The following DPP6 variants were observed in gnomAD, a reference collection of about 807,000 sequenced individuals.
The protein encoded by DPP6 is A-type potassium channel modulatory protein DPP6.
Under a neutral mutation model 122.6 loss-of-function variants are expected in DPP6, and 69 were observed. The ratio of observed to expected loss-of-function variants is 0.56; its 90% CI spans 0.46 to 0.69. DPP6 has a LOEUF of 0.69. Ranked by LOEUF, DPP6 falls within the 30% of genes least tolerant of loss-of-function variation. The pLI, the probability that DPP6 is intolerant of heterozygous loss-of-function variation, is 0.00. For synonymous variants in DPP6, 418 were observed against 433.1 expected, an observed-to-expected ratio of 0.97 and a Z score of 0.43; for missense variants, 928 against 1,116.9, an observed-to-expected ratio of 0.83 and a Z score of 2.41.
chr7:154,292,732 C>T lies in DPP6; in HGVS notation c.244-153482C>T, dbSNP rs75552158. On this transcript the variant is annotated intron_variant, in intron 1 of 25. Transcript: ENST00000377770. ...CTGTGTCCACAGGCAGGCAGAGTCT[C>T]GTTTTTGATTTCCTAGGGAACTTAG... Among the ~76,000 whole-genome samples the T allele has an allele frequency of 9.9e-5, 15 of 152,182 alleles. No homozygotes were observed. The East Asian group carries it at 1.4e-3, about 14-fold the overall frequency.
intron 1 of DPP6, among the ~76,000 whole-genome samples, chr7:153,943,805 G>T (rs1310637828): frequency 2.0e-5 from 3 of 152,182 alleles, no homozygotes; most frequent in Non-Finnish European, 4.4e-5. Context: ...TAATAAACAT[G>T]TAATAGAGAA....
intron 1 of DPP6, among the ~76,000 whole-genome samples, chr7:153,985,031 T>C (rs1328146863): frequency 2.6e-5 from 4 of 152,222 alleles, no homozygotes; most frequent in East Asian, 1.9e-4. Flanking sequence ...ACACAGGTCC[T>C]GCCATTCACT....
chr7:154,148,392 C>T (rs1478066980), intron 1 of DPP6, among the ~76,000 whole-genome samples: 1 of 151,162 alleles, frequency 6.6e-6, no homozygotes, highest in African/African-American at 2.4e-5. Flanking sequence ...GAAGGCAGAG[C>T]CTGCCCTGAG....
At chr7:154,421,184 G>GTA (rs1817441695) in intron 1 of DPP6, among the ~76,000 whole-genome samples, 1 of 152,098 alleles carries the variant, frequency 6.6e-6, no homozygotes, top group Non-Finnish European at 1.5e-5. Context: ...ATTACAAGAA[G>GTA]TATAGATCCT....
At chr7:154,446,139 T>G in intron 1 of DPP6, 75 bp from the exon 2 acceptor site, 1 of 911,550 alleles carries the variant, frequency 1.1e-6, no homozygotes, top group Non-Finnish European at 1.7e-6. Context: ...TTGATTTAAA[T>G]GAAATATGTC....
intron 16 of DPP6, among the ~76,000 whole-genome samples, chr7:154,818,717 G>A (rs982760014): frequency 6.6e-5 from 10 of 152,178 alleles, no homozygotes; most frequent in Admixed American, 4.6e-4. Flanking sequence ...ATTTATCCAA[G>A]TGAATGTTTA....
At chr7:153,991,491 T>G (rs1465911821) in intron 1 of DPP6, among the ~76,000 whole-genome samples, 1 of 152,102 alleles carries the variant, frequency 6.6e-6, no homozygotes, top group Non-Finnish European at 1.5e-5. Context: ...AAAAATGAAG[T>G]GTTAAGCATG....
chr7:153,957,320 A>G (rs1802506868), intron 1 of DPP6, among the ~76,000 whole-genome samples: 1 of 152,208 alleles, frequency 6.6e-6, no homozygotes, highest in South Asian at 2.1e-4. Context: ...TAGCAAGTCC[A>G]CAGACTGTCT....
upstream of DPP6, among the ~76,000 whole-genome samples, chr7:153,886,445 CCG>C (rs1210650746): frequency 3.3e-5 from 5 of 152,292 alleles, no homozygotes; most frequent in African/African-American, 1.2e-4. Flanking sequence ...GTAGGGAGAG[CCG>C]TGGGCGCCAG....
At chr7:154,873,740 A>ACACACGCACCCACACACAGG (rs1217353979) in intron 19 of DPP6, among the ~76,000 whole-genome samples, 6 of 152,218 alleles carry the variant, frequency 3.9e-5, no homozygotes, top group Non-Finnish European at 7.4e-5. Context: ...CCACATGCAG[A>ACACACGCACCCACACACAGG]CACACGCACC....
At chr7:154,384,653 C>T (rs917190142) in intron 1 of DPP6, among the ~76,000 whole-genome samples, 7 of 151,792 alleles carry the variant, frequency 4.6e-5, no homozygotes, top group Non-Finnish European at 8.8e-5. Flanking sequence ...AATTTTATTT[C>T]CAAAAAAATG....
At chr7:154,857,648 G>A (rs1378153002) in intron 17 of DPP6, among the ~76,000 whole-genome samples, 1 of 152,238 alleles carries the variant, frequency 6.6e-6, no homozygotes, top group African/African-American at 2.4e-5. Flanking sequence ...CATCTTGGAT[G>A]AGAAGGCAGG....
chr7:154,781,289 C>T (rs1392415426), intron 10 of DPP6, among the ~76,000 whole-genome samples: 1 of 152,150 alleles, frequency 6.6e-6, no homozygotes, highest in Non-Finnish European at 1.5e-5. Flanking sequence ...ACCCCCACCA[C>T]TCCTATTCAC....
chr7:154,889,433 T>C (rs1471796073), intron 24 of DPP6, 24 bp from the exon 25 acceptor site: 3 of 182,012 alleles, frequency 1.6e-5, no homozygotes, highest in Non-Finnish European at 2.6e-5. Flanking sequence ...TCTTCCTCTC[T>C]TTTTTTTTTT....
chr7:154,383,547 A>T (rs1482336967), intron 1 of DPP6, among the ~76,000 whole-genome samples: 1 of 152,230 alleles, frequency 6.6e-6, no homozygotes, highest in African/African-American at 2.4e-5. Flanking sequence ...TACATGAAAA[A>T]ATATGGTGGA....
upstream of DPP6, among the ~76,000 whole-genome samples, chr7:153,884,406 A>G (rs556907672): frequency 3.9e-5 from 6 of 152,298 alleles, no homozygotes; most frequent in African/African-American, 1.4e-4. Context: ...AATCCAGTCT[A>G]TCATGTTGGA....
chr7:154,446,337 T>C lies in DPP6; in HGVS notation c.358+9T>C, dbSNP rs1286182692. On this transcript the variant is annotated intron_variant, in intron 2 of 25. Transcript: ENST00000377770. ...CATACTTCTGACACCAGGTACTGTA[T>C]TCATTCTTGGAAAAGCAAGTCGCTG... 2 of 1,592,934 alleles carry C rather than the reference T, an allele frequency of 1.3e-6. No individual in the cohort carries two copies. Among genetic ancestry groups the C allele is most frequent in the African/African-American group, 2.7e-5 (2 of 74,138 alleles).
chr7:154,700,639 C>A (rs1450304897), intron 7 of DPP6, among the ~76,000 whole-genome samples: 1 of 152,228 alleles, frequency 6.6e-6, no homozygotes, highest in African/African-American at 2.4e-5. Context: ...TCAATGAGAT[C>A]GTTTTTGCAT....
At chr7:154,750,679 A>T (rs1482517907) in intron 8 of DPP6, among the ~76,000 whole-genome samples, 3 of 152,136 alleles carry the variant, frequency 2.0e-5, no homozygotes, top group Non-Finnish European at 1.5e-5. Flanking sequence ...ACAGATATAG[A>T]ATGCCTTCAT....
Sources: gnomAD v4.1 joint callset for allele counts (sites outside exome capture counted in the v4.1 genomes callset) on GRCh38, gnomAD v4.1.1 for gene constraint, MANE v1.5 for transcripts, NCBI Gene and HGNC (gene_info 2026-07-23, HGNC 2026-07-21) for gene names.